Variants in RIMS2 observed in about 807,000 individuals in gnomAD.
RIMS2 encodes regulating synaptic membrane exocytosis protein 2.
Under a neutral mutation model 174.4 loss-of-function variants are expected in RIMS2, and 59 were observed. The observed-to-expected ratio is 0.34, with a 90% confidence interval of 0.27 to 0.42. RIMS2 has a LOEUF of 0.42. Ranked by LOEUF, RIMS2 falls within the 10% of genes least tolerant of loss-of-function variation. The pLI is 1.00. For synonymous variants in RIMS2, 606 were observed against 572.5 expected (o/e 1.06, Z -0.84); for missense variants, 1,620 against 1,666.3 (o/e 0.97, Z 0.48).
intron 2 of RIMS2, among the ~76,000 whole-genome samples, chr8:103,751,022 G>A (rs981461791): frequency 1.3e-5 from 2 of 152,078 alleles, no homozygotes; most frequent in Non-Finnish European, 2.9e-5. Flanking sequence ...TTTAAAAAGG[G>A]CAGTTTCCTT....
chr8:103,709,756 A>G (rs1398237779), intron 2 of RIMS2, among the ~76,000 whole-genome samples: 1 of 151,640 alleles, frequency 6.6e-6, no homozygotes, highest in South Asian at 2.1e-4. Flanking sequence ...ACTTGAAGAA[A>G]CCCCTGGAGT....
rs556986890 is a variant in RIMS2, at chr8:104,049,332, T to C, written c.3334+34717T>C. ...TACTCGGGAGGCTGAGGCAGGAGAA[T>C]GGCGTGAACCCGAACCCGGGAGGCG... On this transcript the variant is annotated intron_variant, in intron 19 of 23. Coordinates refer to ENST00000504942, the Ensembl canonical transcript of RIMS2. Among the ~76,000 whole-genome samples the C allele has an allele frequency of 2.7e-3, 411 of 151,974 alleles. 1 individual carries two copies. Among genetic ancestry groups the C allele is most frequent in the Non-Finnish European group, 4.9e-3 (330 of 67,942 alleles).
intron 1 of RIMS2, among the ~76,000 whole-genome samples, chr8:103,522,371 A>G (rs1178529690): frequency 3.3e-5 from 5 of 152,114 alleles, no homozygotes; most frequent in African/African-American, 1.2e-4. Flanking sequence ...TTCTTCGAGG[A>G]TATAGCTCCT....
intron 1 of RIMS2, among the ~76,000 whole-genome samples, chr8:103,510,818 C>A (rs896710648): frequency 3.3e-5 from 5 of 152,038 alleles, no homozygotes; most frequent in African/African-American, 1.2e-4. Flanking sequence ...CTGTAGAGTT[C>A]TTTTTGCCAT....
At chr8:104,022,628 G>C (rs539944675) in intron 19 of RIMS2, among the ~76,000 whole-genome samples, 6 of 152,012 alleles carry the variant, frequency 3.9e-5, no homozygotes, top group Admixed American at 1.3e-4. Context: ...TGATCCTCCC[G>C]CCTCGTCTCG....
intron 19 of RIMS2, among the ~76,000 whole-genome samples, chr8:104,135,302 G>C (rs1346509973): frequency 6.6e-6 from 1 of 152,048 alleles, no homozygotes; most frequent in Non-Finnish European, 1.5e-5. Flanking sequence ...TTTTTTTCAA[G>C]AATGCTGATA....
intron 19 of RIMS2, among the ~76,000 whole-genome samples, chr8:104,173,788 C>T (rs1275460127): frequency 2.0e-5 from 3 of 150,938 alleles, no homozygotes; most frequent in African/African-American, 7.3e-5. Context: ...GCCACCATGC[C>T]TGGCTAATTT....
intron 1 of RIMS2, among the ~76,000 whole-genome samples, chr8:103,602,989 A>T (rs1563962525): frequency 6.6e-6 from 1 of 151,642 alleles, no homozygotes; most frequent in Non-Finnish European, 1.5e-5. Flanking sequence ...TGACTTTTTT[A>T]TTTTTATTTT....
intron 19 of RIMS2, among the ~76,000 whole-genome samples, chr8:104,164,273 G>C (rs568066518): frequency 1.3e-5 from 2 of 152,214 alleles, no homozygotes; most frequent in South Asian, 4.1e-4. Flanking sequence ...CCTGTCAGTT[G>C]TGAAATTATC....
chr8:103,816,851 G>A (rs1007124974), intron 3 of RIMS2, among the ~76,000 whole-genome samples: 1 of 152,082 alleles, frequency 6.6e-6, no homozygotes, highest in African/African-American at 2.4e-5. Context: ...AGACCACTTC[G>A]ATGCTTTTTC....
intron 19 of RIMS2, among the ~76,000 whole-genome samples, chr8:104,037,979 A>C (rs2154557222): frequency 6.6e-6 from 1 of 152,202 alleles, no homozygotes; most frequent in South Asian, 2.1e-4. Flanking sequence ...TATTGAATAG[A>C]ATAACATGCT....
In RIMS2 at chr8:103,829,231, G is replaced by A. The variant is rs534973421; in HGVS notation, c.699-56067G>A. On this transcript the variant is annotated intron_variant, in intron 3 of 23. Coordinates refer to ENST00000504942, the Ensembl canonical transcript of RIMS2. ...CAGTCAGAATGGCTATTATTAAAAA[G>A]TCAACAATAGCAGATGCTGGCAAGG... Among the ~76,000 whole-genome samples, 303 of 151,990 alleles carry A rather than the reference G, an allele frequency of 2.0e-3. 2 individuals are homozygous for A. The highest frequency in any genetic ancestry group is 6.8e-3 in the African/African-American group (281 of 41,490).
intron 13 of RIMS2, among the ~76,000 whole-genome samples, chr8:103,939,903 C>T (rs887479943): frequency 1.3e-5 from 2 of 152,166 alleles, no homozygotes; most frequent in African/African-American, 4.8e-5. Context: ...CCAAAAAATT[C>T]CTCCTTTCCA....
Position 104,068,493 on chromosome 8 carries a change from G to GTT in RIMS2, c.3334+53884_3334+53885dup. 8.7e-7 allele frequency: 1 copy of GTT among 1,151,752 alleles called. No individual in the cohort carries two copies. The highest frequency in any genetic ancestry group is 1.3e-6 in the Non-Finnish European group (1 of 799,394). 71.3% of individuals were successfully genotyped at this position (1,151,752 alleles called of 1,614,324 possible). A position where few individuals can be genotyped will look rare whatever the true frequency, so the allele number is the denominator to read the frequency against. ...TAAGAACTGAACATTAATTTTATGGGTTTTTTTCTACTCGATAGGTACTAT... is the reference window on the plus strand; with the variant it reads ...TAAGAACTGAACATTAATTTTATGGGTTTTTTTTTCTACTCGATAGGTACTAT... On this transcript the variant is annotated intron_variant, in intron 19 of 23. Coordinates refer to ENST00000504942, the Ensembl canonical transcript of RIMS2.
chr8:103,855,596 G>A (rs1460423855), intron 3 of RIMS2, among the ~76,000 whole-genome samples: 1 of 151,794 alleles, frequency 6.6e-6, no homozygotes, highest in East Asian at 1.9e-4. Context: ...TTTTATTTCT[G>A]CCTTAATTTC....
At chr8:104,039,156 G>C (rs2096567474) in intron 19 of RIMS2, among the ~76,000 whole-genome samples, 1 of 151,710 alleles carries the variant, frequency 6.6e-6, no homozygotes. Context: ...GAAAAAAACT[G>C]TTTCCAATTA....
chr8:103,829,438 C>T (rs929181874), intron 3 of RIMS2, among the ~76,000 whole-genome samples: 1 of 152,042 alleles, frequency 6.6e-6, no homozygotes, highest in Admixed American at 6.6e-5. Flanking sequence ...GCACTATTCG[C>T]AATAGAAAAA....
intron 17 of RIMS2, among the ~76,000 whole-genome samples, chr8:104,008,795 T>G (rs2095667392): frequency 6.6e-6 from 1 of 152,018 alleles, no homozygotes; most frequent in South Asian, 2.1e-4. Context: ...CTCTAAATAT[T>G]GTTGTCATCT....
chr8:103,816,886 T>A (rs2098721447), intron 3 of RIMS2, among the ~76,000 whole-genome samples: 2 of 152,324 alleles, frequency 1.3e-5, no homozygotes, highest in South Asian at 4.1e-4. Context: ...CATATCCAAT[T>A]TTGAAATATA....
Sources: allele counts gnomAD v4.1 joint callset (sites outside exome capture counted in the v4.1 genomes callset), GRCh38; gene constraint gnomAD v4.1.1; transcripts MANE v1.5; gene names NCBI Gene and HGNC (gene_info 2026-07-23, HGNC 2026-07-21).